PDIA2: variants seen among roughly 807,000 people sequenced by gnomAD.
PDIA2 encodes protein disulfide-isomerase A2.
PDIA2 carries 76 observed loss-of-function variants against 51.1 expected under a neutral mutation model. The observed-to-expected ratio is 1.49, with a 90% CI of 1.24 to 1.80. The LOEUF is 1.80. Among genes scored for constraint, PDIA2 ranks in the 40% most tolerant of loss-of-function variants. PDIA2 has a pLI of 0.00. For missense variants in PDIA2, 946 were observed against 706.5 expected (o/e 1.34, Z -3.84); for synonymous variants, 429 against 309.9 (o/e 1.38, Z -4.04).
intron 7 of PDIA2, among the ~76,000 whole-genome samples, chr16:285,937 C>CGGTTCT (rs1222675967): frequency 1.0e-5 from 1 of 96,108 alleles, no homozygotes; most frequent in African/African-American, 5.1e-5. Context: ...CCAACCCCAA[C>CGGTTCT]CCCAACCCCA....
chr16:286,754 TG>T lies in PDIA2; in HGVS notation c.1422+23del, dbSNP rs1400010966. 2.5e-6 allele frequency: 4 copies of T among 1,612,630 alleles called. No homozygotes were observed. The highest frequency in any genetic ancestry group is 3.4e-6 in the Non-Finnish European group (4 of 1,179,904). On this transcript the variant is annotated intron_variant, in intron 9 of 10. Transcript: ENST00000219406. Reference sequence around the variant, plus strand: ...TCGGAAGGTATGGCGGACAGGTGGCTGGGGAGGAAGCCGGGGTGCCATCTTG... The same window carrying T: ...TCGGAAGGTATGGCGGACAGGTGGCTGGGAGGAAGCCGGGGTGCCATCTTG...
Position 284,969 on chromosome 16 carries a change from T to C in PDIA2, c.632T>C (p.Phe211Ser). ...GGCCTCACAGACCGGCCGCGGCTCT[T>C]TCAGCAGTTTGGCCTCACCAAGGAC... ...TFGLTDRPRLFQQFGLTKDTV... is the reference protein window; with the variant it reads ...TFGLTDRPRLSQQFGLTKDTV... Residue 211 changes from phenylalanine (F) to serine (S), a missense_variant, in exon 4 of 11, where the codon TTT becomes TCT. By Grantham distance (155) the Phe-to-Ser change is radical (BLOSUM62 -2). Transcript: ENST00000219406. 6.2e-7 allele frequency: 1 copy of C among 1,613,412 alleles called. No homozygotes were observed. The highest frequency in any genetic ancestry group is 8.5e-7 in the Non-Finnish European group (1 of 1,180,010).
Position 283,650 on chromosome 16 carries a change from C to T in PDIA2, c.199+282C>T, listed in dbSNP as rs2052315913. ...GGTGCCAGAGTCACCACCTTGCCGG[C>T]CACTCCTCCAGCTGCCAGGGGCATC... On this transcript the variant is annotated intron_variant, in intron 1 of 10. Coordinates refer to ENST00000219406, the MANE Select transcript of PDIA2 (RefSeq NM_006849.4). 2.6e-5 allele frequency among the ~76,000 whole-genome samples: 4 copies of T among 152,214 alleles called. No homozygotes were observed. The South Asian group carries it at 8.3e-4, about 32-fold the overall frequency.
chr16:284,309 C>G, intron 1 of PDIA2, 78 bp from the exon 2 acceptor site: 2 of 1,380,632 alleles, frequency 1.4e-6, no homozygotes, highest in Middle Eastern at 2.5e-4. Context: ...CACGCTTGTT[C>G]CCTGCTGGGT....
At chr16:284,035 T>G in intron 1 of PDIA2, 2 of 334,160 alleles carry the variant, frequency 6.0e-6, no homozygotes, top group Non-Finnish European at 5.8e-6. Flanking sequence ...CGGCTAATAT[T>G]TTTTGTATTT....
In PDIA2 at chr16:287,116, GCCC is replaced by G. The variant is rs749754241; in HGVS notation, c.*6_*8del. ...TGGGGTCCAAGGAGGAACTGTAGCT[GCCC>G]CCGTGTCACCCCCGCCATCACTGCT... On this transcript the variant is annotated 3_prime_UTR_variant, in exon 11 of 11. Transcript: ENST00000219406. The G allele has an allele frequency of 1.9e-6, 3 of 1,612,654 alleles. No homozygotes were observed. The highest frequency in any genetic ancestry group is 2.5e-6 in the Non-Finnish European group (3 of 1,179,874).
At chr16:283,890 G>A (rs569065959) in intron 1 of PDIA2, among the ~76,000 whole-genome samples, 5 of 152,308 alleles carry the variant, frequency 3.3e-5, no homozygotes, top group South Asian at 4.1e-4. Flanking sequence ...TTGAGATGGA[G>A]TTTTGCTTTT....
At chr16:284,839 G>A (rs2141448137) in intron 3 of PDIA2, 39 bp from the exon 4 acceptor site, 1 of 1,606,466 alleles carries the variant, frequency 6.2e-7, no homozygotes, top group East Asian at 2.2e-5. Context: ...CAGTGACTGT[G>A]GGTGGGACCG....
Position 284,808 on chromosome 16 carries a change from T to G in PDIA2, c.540+16T>G. 1 of 1,586,568 alleles carries G rather than the reference T, an allele frequency of 6.3e-7. No individual in the cohort carries two copies. Among genetic ancestry groups the G allele is most frequent in the East Asian group, 2.2e-5 (1 of 44,644 alleles). On this transcript the variant is annotated intron_variant, in intron 3 of 10. Transcript: ENST00000219406. ...CTTCTTCCAGGTGAGCCACTGGGCA[T>G]GGGGGGCCGGGCCATGAGGGCAGTG...
At chr16:283,509 AGCTCTCTAG>A in intron 1 of PDIA2, 141 bp downstream of exon 1, 2 of 920,924 alleles carry the variant, frequency 2.2e-6, no homozygotes, top group Non-Finnish European at 3.1e-6. Context: ...TGTGCCCAGG[AGCTCTCTAG>A]GAGGGGCCTG....
At position 285,116 on chromosome 16, in the gene PDIA2, C is replaced by T. The variant is rs367677538; in HGVS notation, c.711C>T (p.Asp237=). The T allele has an allele frequency of 3.0e-5, 48 of 1,613,020 alleles. No individual in the cohort carries two copies. Among genetic ancestry groups the T allele is most frequent in the East Asian group, 2.9e-4 (13 of 44,882 alleles). The change falls in exon 5 of 11, where the codon GAC becomes GAT. Residue 237 remains aspartate, a synonymous_variant. Coordinates refer to ENST00000219406, the MANE Select transcript of PDIA2 (RefSeq NM_006849.4). ...FDEGRADFPV[D]EELGLDLGDL... is the part of the protein sequence containing the mutation. The stretch of plus-strand genomic sequence containing the variant: ...AGGGGCGGGCAGACTTCCCCGTGGA[C>T]GAGGAGCTTGGCCTGGACCTGGGGG...
intron 7 of PDIA2, among the ~76,000 whole-genome samples, chr16:285,948 ACCC>A (rs2052360529): frequency 2.6e-5 from 1 of 37,968 alleles, no homozygotes; most frequent in Non-Finnish European, 4.4e-5. Flanking sequence ...CCCAACCCCA[ACCC>A]CAACCCCGCG....
At chr16:285,847 C>A in intron 7 of PDIA2, 144 bp downstream of exon 7, 1 of 978,566 alleles carries the variant, frequency 1.0e-6, no homozygotes, top group Non-Finnish European at 1.5e-6. Context: ...TCTCCCAACC[C>A]GGCGGTTCTC....
chr16:283,287 A>G lies in PDIA2; in HGVS notation c.118A>G (p.Lys40Glu). Residue 40 changes from lysine to glutamate, a missense_variant, in exon 1 of 11, where the codon AAG (lysine) becomes GAG (glutamate). Transcript: ENST00000219406. ...GGAGCCTCCAGAGGAGGAAATCCCC[A>G]AGGAGGATGGGATCTTGGTGCTGAG... ...SEEPPEEEIPKEDGILVLSRH... is the reference protein window; with the variant it reads ...SEEPPEEEIPEEDGILVLSRH... The G allele has an allele frequency of 6.2e-7, 1 of 1,609,130 alleles. No homozygotes were observed. The highest frequency in any genetic ancestry group is 1.1e-5 in the South Asian group (1 of 90,572).
Position 285,487 on chromosome 16 carries a change from C to CAT in PDIA2, c.922-18_922-17dup. On this transcript the variant is annotated intron_variant, in intron 6 of 10. Transcript: ENST00000219406. ...GCAGCGGGAGAGTGGCCGGTGCCAG[C>CAT]ATGGACTCCCTGCCACAGGTGCTGT... is the stretch of plus-strand genomic sequence containing the variant. 1 of 1,612,292 alleles carries CAT rather than the reference C, an allele frequency of 6.2e-7. No individual in the cohort carries two copies. The highest frequency in any genetic ancestry group is 8.5e-7 in the Non-Finnish European group (1 of 1,179,862).
chr16:284,049 G>A (rs2052321138), intron 1 of PDIA2: 2 of 369,822 alleles, frequency 5.4e-6, no homozygotes, highest in Admixed American at 3.8e-5. Flanking sequence ...TGTATTTTTA[G>A]TAGAGATGGG....
intron 1 of PDIA2, 112 bp downstream of exon 1, chr16:283,480 C>CGA: frequency 1.7e-6 from 2 of 1,170,820 alleles, no homozygotes; most frequent in Non-Finnish European, 2.3e-6. Context: ...GGGGCCTCCC[C>CGA]GCAGGCACTT....
rs539780481 is a variant in PDIA2, at chr16:283,905, C to T, written c.200-482C>T. Among the ~76,000 whole-genome samples the T allele has an allele frequency of 5.0e-4, 76 of 152,286 alleles. 1 individual carries two copies. In the East Asian group the frequency reaches 0.013, roughly 27 times the overall value. On this transcript the variant is annotated intron_variant, in intron 1 of 10. Transcript: ENST00000219406. ...TTGAGATGGAGTTTTGCTTTTGTCGCCCAGGCTGGAGTGCAGTGGCCCTAT... is the reference window on the plus strand; with the variant it reads ...TTGAGATGGAGTTTTGCTTTTGTCGTCCAGGCTGGAGTGCAGTGGCCCTAT...
chr16:284,931 G>A lies in PDIA2; in HGVS notation c.594G>A (p.Leu198=). The change falls in exon 4 of 11, where the codon CTG becomes CTA. Residue 198 remains leucine (L), a synonymous_variant. Transcript: ENST00000219406. ...ATFLALAQDA[L]DMTFGLTDRP... ...TCTTGGCCTTGGCCCAGGACGCCCT[G>A]GACATGACCTTTGGCCTCACAGACC... 6.2e-7 allele frequency: 1 copy of A among 1,613,282 alleles called. No homozygotes were observed. Among genetic ancestry groups the A allele is most frequent in the Admixed American group, 1.7e-5 (1 of 60,024 alleles).
Sources: gnomAD v4.1 joint callset for allele counts (sites outside exome capture counted in the v4.1 genomes callset) on GRCh38, gnomAD v4.1.1 for gene constraint, MANE v1.5 for transcripts, NCBI Gene and HGNC (gene_info 2026-07-23, HGNC 2026-07-21) for gene names.